Variants in ITGA11 observed in about 807,000 individuals in gnomAD.
The protein encoded by ITGA11 is integrin alpha-11.
ITGA11 carries 97 observed loss-of-function variants against 141.9 expected under a neutral mutation model. That is an observed-to-expected ratio of 0.68 (90% CI 0.58 to 0.81). The LOEUF (loss-of-function observed/expected upper bound fraction) is 0.81, where lower values mean the gene tolerates loss of function less well. Ranked by LOEUF, ITGA11 falls within the 30% of genes least tolerant of loss-of-function variation. ITGA11 has a pLI of 0.00. For synonymous variants in ITGA11, 658 were observed against 624.6 expected (o/e 1.05, Z -0.80); for missense variants, 1,387 against 1,559.2 (o/e 0.89, Z 1.86).
chr15:68,317,417 G>C, intron 20 of ITGA11, 54 bp from the exon 21 acceptor site: 1 of 1,252,356 alleles, frequency 8.0e-7, no homozygotes, highest in Non-Finnish European at 1.2e-6. Flanking sequence ...CTGGGACCAG[G>C]TCTCGAGGCT....
At chr15:68,365,761 G>A (rs1485593846) in intron 3 of ITGA11, among the ~76,000 whole-genome samples, 1 of 151,436 alleles carries the variant, frequency 6.6e-6, no homozygotes, top group African/African-American at 2.4e-5. Context: ...TTTGAGGCAG[G>A]GTCTCACTGT....
chr15:68,402,868 C>T, intron 2 of ITGA11, 50 bp downstream of exon 2: 1 of 1,274,038 alleles, frequency 7.8e-7, no homozygotes, highest in East Asian at 2.4e-5. Context: ...ATGGAGGGGG[C>T]TGGGTGTGGA....
At chr15:68,342,481 C>T (rs762355154) in intron 10 of ITGA11, among the ~76,000 whole-genome samples, 1 of 152,246 alleles carries the variant, frequency 6.6e-6, no homozygotes, top group Non-Finnish European at 1.5e-5. Flanking sequence ...GACGTTGTAG[C>T]CCTAGCACCT....
chr15:68,411,584 C>T lies in ITGA11; in HGVS notation c.53-8555G>A, dbSNP rs75955143. ...AGAGGAACTGGAGGCACAGCGATCCCGTAACTTGTCCCAAGTCACACATCT... is the reference window on the plus strand; with the variant it reads ...AGAGGAACTGGAGGCACAGCGATCCTGTAACTTGTCCCAAGTCACACATCT... On this transcript the variant is annotated intron_variant, in intron 1 of 29. Coordinates refer to ENST00000315757, the MANE Select transcript of ITGA11 (RefSeq NM_001004439.2). Among the ~76,000 whole-genome samples the T allele has an allele frequency of 4.2e-3, 643 of 152,282 alleles. 9 individuals carry two copies. The highest frequency in any genetic ancestry group is 3.8e-3 in the Non-Finnish European group (261 of 68,014).
Position 68,324,364 on chromosome 15 carries a change from G to A in ITGA11, c.2322+767C>T, listed in dbSNP as rs1307736904. Among the ~76,000 whole-genome samples the A allele has an allele frequency of 6.6e-6, 1 of 152,196 alleles. No homozygotes were observed. Among genetic ancestry groups the A allele is most frequent in the Non-Finnish European group, 1.5e-5 (1 of 68,044 alleles). On this transcript the variant is annotated intron_variant, in intron 18 of 29. Transcript: ENST00000315757. The surrounding 1 kb of genome is among the most constrained non-coding windows in gnomAD (Gnocchi z 6.3). The stretch of plus-strand genomic sequence containing the variant: ...GGACTCTGTCACTCACACAGACGTT[G>A]CTCAGAGACTGGACCTCACAGAATG...
chr15:68,338,640 A>T (rs979007210), intron 11 of ITGA11, among the ~76,000 whole-genome samples: 2 of 152,222 alleles, frequency 1.3e-5, no homozygotes, highest in Non-Finnish European at 2.9e-5. Flanking sequence ...GGGCAGAGTC[A>T]TAGGCAGGGT....
At chr15:68,362,590 G>A (rs1328315887) in intron 4 of ITGA11, among the ~76,000 whole-genome samples, 1 of 152,122 alleles carries the variant, frequency 6.6e-6, no homozygotes, top group Non-Finnish European at 1.5e-5. Context: ...ATAAGTGGGT[G>A]GTAGATGGAT....
chr15:68,313,594 C>T (rs564657026), intron 23 of ITGA11, among the ~76,000 whole-genome samples, 185 bp downstream of exon 23: 1 of 152,252 alleles, frequency 6.6e-6, no homozygotes, highest in South Asian at 2.1e-4. Flanking sequence ...TTTGATATCC[C>T]CTCCCCACAT....
chr15:68,339,833 C>T (rs1300355562), intron 10 of ITGA11, among the ~76,000 whole-genome samples, 189 bp from the exon 11 acceptor site: 1 of 152,138 alleles, frequency 6.6e-6, no homozygotes, highest in Admixed American at 6.5e-5. Context: ...GACTTTCTTG[C>T]CCCATTCCAT....
rs1170394891 is a variant in ITGA11 at position 68,371,364 on chromosome 15, G to C, written c.165-2080C>G. On this transcript the variant is annotated intron_variant, in intron 2 of 29. Coordinates refer to ENST00000315757, the MANE Select transcript of ITGA11 (RefSeq NM_001004439.2). ...TCCCGGGCACTGTTGCCAGATGGAG[G>C]AGCACCTCTCAGGGTGCCTCTGGGA... Among the ~76,000 whole-genome samples the C allele has an allele frequency of 1.3e-5, 2 of 152,202 alleles. 1 individual carries two copies. Among genetic ancestry groups the C allele is most frequent in the African/African-American group, 4.8e-5 (2 of 41,452 alleles).
chr15:68,353,820 C>A (rs1461441921), intron 7 of ITGA11, among the ~76,000 whole-genome samples: 1 of 152,152 alleles, frequency 6.6e-6, no homozygotes, highest in African/African-American at 2.4e-5. Context: ...CTATTTCTCT[C>A]AGGGAAAGCC....
chr15:68,391,584 G>C (rs1039943314), intron 2 of ITGA11, among the ~76,000 whole-genome samples: 39 of 152,218 alleles, frequency 2.6e-4, no homozygotes, highest in Admixed American at 1.2e-3. Flanking sequence ...ATGGGCCTCA[G>C]TGACTCCAAC....
At position 68,331,935 on chromosome 15, in the gene ITGA11, G is replaced by A; in HGVS notation, c.1694C>T (p.Pro565Leu). The change falls in exon 14 of 30, where the codon CCC (proline) becomes CTC (leucine). Residue 565 changes from proline (P) to leucine (L), a missense_variant. Physicochemically the swap from Pro to Leu is moderately conservative, Grantham distance 98 (BLOSUM62 -3). Coordinates refer to ENST00000315757, the MANE Select transcript of ITGA11 (RefSeq NM_001004439.2). ...GGCTCCTGCGTGGTTGTCCTCCAGG[G>A]GGGCTCCCACCACCACGTCATTGTA... is the stretch of plus-strand genomic sequence containing the variant. ...DSYNDVVVGAPLEDNHAGAIY... is the reference protein window; with the variant it reads ...DSYNDVVVGALLEDNHAGAIY... 1 of 1,613,452 alleles carries A rather than the reference G, an allele frequency of 6.2e-7. No homozygotes were observed. Among genetic ancestry groups the A allele is most frequent in the Non-Finnish European group, 8.5e-7 (1 of 1,179,760 alleles).
chr15:68,330,044 C>T (rs961457559), intron 15 of ITGA11, among the ~76,000 whole-genome samples: 4 of 152,222 alleles, frequency 2.6e-5, no homozygotes, highest in South Asian at 4.1e-4. Flanking sequence ...GAGCAGCACG[C>T]GTGGTGAGGA....
At chr15:68,331,165 G>A (rs1409213969) in intron 14 of ITGA11, 54 bp from the exon 15 acceptor site, 20 of 1,496,168 alleles carry the variant, frequency 1.3e-5, no homozygotes, top group South Asian at 7.2e-5. Flanking sequence ...GTGTGGGGGC[G>A]GGCGTCCCCG....
intron 11 of ITGA11, among the ~76,000 whole-genome samples, chr15:68,338,472 A>G (rs1439045036): frequency 1.3e-5 from 2 of 152,226 alleles, no homozygotes; most frequent in Non-Finnish European, 2.9e-5. Context: ...ACACCTTGCG[A>G]ATTAAATGGA....
intron 2 of ITGA11, among the ~76,000 whole-genome samples, chr15:68,373,099 G>T (rs948748497): frequency 6.6e-6 from 1 of 152,044 alleles, no homozygotes; most frequent in Non-Finnish European, 1.5e-5. Flanking sequence ...TGTGGTGTGT[G>T]TACCCCACCC....
At chr15:68,417,473 A>G (rs1428674419) in intron 1 of ITGA11, among the ~76,000 whole-genome samples, 1 of 152,010 alleles carries the variant, frequency 6.6e-6, no homozygotes, top group Non-Finnish European at 1.5e-5. Flanking sequence ...CTTGCACTAG[A>G]GTTTTCCAAC....
At chr15:68,366,419 T>C (rs1246395793) in intron 3 of ITGA11, among the ~76,000 whole-genome samples, 1 of 152,090 alleles carries the variant, frequency 6.6e-6, no homozygotes, top group Non-Finnish European at 1.5e-5. Flanking sequence ...TTCTGTGTTT[T>C]CTCCCATCTG....
Sources: allele counts gnomAD v4.1 joint callset (sites outside exome capture counted in the v4.1 genomes callset), GRCh38; gene constraint gnomAD v4.1.1; non-coding constraint Gnocchi (gnomAD v3.1); transcripts MANE v1.5; gene names NCBI Gene and HGNC (gene_info 2026-07-23, HGNC 2026-07-21).